ZBTB16: variants seen among roughly 807,000 people sequenced by gnomAD.
ZBTB16 encodes the protein zinc finger and BTB domain containing 16.
ZBTB16 carries 8 observed loss-of-function variants against 56.8 expected under a neutral mutation model. The ratio of observed to expected loss-of-function variants is 0.14; its 90% CI spans 0.08 to 0.25. The LOEUF (loss-of-function observed/expected upper bound fraction) is 0.25, where lower values mean the gene tolerates loss of function less well. ZBTB16 is among the 10% of genes least tolerant of loss of function. The pLI, the probability that ZBTB16 is intolerant of heterozygous loss-of-function variation, is 1.00. For synonymous variants in ZBTB16, 363 were observed against 368.5 expected (o/e 0.98, Z 0.17); for missense variants, 625 against 903.0 (o/e 0.69, Z 3.95).
At chr11:114,118,069 A>G (rs1048591821) in intron 2 of ZBTB16, among the ~76,000 whole-genome samples, 1 of 152,206 alleles carries the variant, frequency 6.6e-6, no homozygotes, top group African/African-American at 2.4e-5. Flanking sequence ...ACTTAATCAC[A>G]GGACCCCAGG....
intron 2 of ZBTB16, among the ~76,000 whole-genome samples, chr11:114,142,891 G>A (rs759448181): frequency 7.2e-5 from 11 of 152,200 alleles, no homozygotes; most frequent in Middle Eastern, 3.4e-3. Context: ...TTACAAAAAC[G>A]GGGAGGAAAA....
Position 114,242,221 on chromosome 11 carries a change from G to C in ZBTB16, c.1508G>C (p.Ser503Thr). 1 of 1,613,940 alleles carries C rather than the reference G, an allele frequency of 6.2e-7. No individual in the cohort carries two copies. Among genetic ancestry groups the C allele is most frequent in the Non-Finnish European group, 8.5e-7 (1 of 1,179,970 alleles). Residue 503 changes from serine to threonine, a missense_variant, in exon 5 of 7, where the codon AGC (serine) becomes ACC (threonine). Physicochemically the swap from Ser to Thr is moderately conservative, Grantham distance 58. This residue lies in a region of ZBTB16 where 140 missense variants were observed against 214.8 expected (regional missense o/e 0.65). Transcript: ENST00000335953. ...TGTGGGAAGCGCTTCCAGGCGCAGA[G>C]CGCACTGCAGCAGCACATGGAGGTC... ...LLCGKRFQAQ[S>T]ALQQHMEVHA...
chr11:114,241,047 A>G (rs1944691725), intron 4 of ZBTB16, among the ~76,000 whole-genome samples: 3 of 151,962 alleles, frequency 2.0e-5, no homozygotes, highest in Admixed American at 6.6e-5. Context: ...ACACTATTCC[A>G]TCTTCCGGAT....
At chr11:114,067,294 A>G (rs1196993049) in intron 2 of ZBTB16, among the ~76,000 whole-genome samples, 6 of 152,078 alleles carry the variant, frequency 3.9e-5, no homozygotes, top group Non-Finnish European at 8.8e-5. Flanking sequence ...GGTTGTGTTG[A>G]CTGTGAGGTG....
chr11:114,087,674 C>G (rs147364691), intron 2 of ZBTB16, among the ~76,000 whole-genome samples: 42 of 152,314 alleles, frequency 2.8e-4, no homozygotes, highest in African/African-American at 8.9e-4. Flanking sequence ...CAGAGTAGGG[C>G]TCTGATGGGG....
intron 1 of ZBTB16, among the ~76,000 whole-genome samples, chr11:114,061,001 G>C (rs981635163): frequency 1.3e-5 from 2 of 152,188 alleles, no homozygotes; most frequent in Non-Finnish European, 2.9e-5. Context: ...CAGCCCGCCC[G>C]GACTGTCGCC....
intron 6 of ZBTB16, among the ~76,000 whole-genome samples, chr11:114,248,945 G>C (rs1944865068): frequency 6.6e-6 from 1 of 152,156 alleles, no homozygotes; most frequent in Non-Finnish European, 1.5e-5. Flanking sequence ...GTGCGCGGGG[G>C]AGTATTGATA....
At chr11:114,148,424 C>CTGTCTGTCTGTCT (rs1565651805) in intron 2 of ZBTB16, among the ~76,000 whole-genome samples, 1 of 24,418 alleles carries the variant, frequency 4.1e-5, no homozygotes, top group Non-Finnish European at 8.6e-5. Flanking sequence ...TCCCTCCCTC[C>CTGTCTGTCTGTCT]CTCTCTCTCT....
At chr11:114,098,094 T>C (rs1940483128) in intron 2 of ZBTB16, among the ~76,000 whole-genome samples, 1 of 152,222 alleles carries the variant, frequency 6.6e-6, no homozygotes, top group South Asian at 2.1e-4. Context: ...CAACAGCATC[T>C]TTTTCCTGCT....
Position 114,183,639 on chromosome 11 carries a change from C to T in ZBTB16, c.1367-3313C>T, listed in dbSNP as rs184387142. 8.5e-5 allele frequency among the ~76,000 whole-genome samples: 13 copies of T among 152,296 alleles called. No individual in the cohort carries two copies. In the East Asian group the frequency reaches 2.3e-3, roughly 27 times the overall value. ...TTTCTCCTTTAGGGAGCTGTGAGAG[C>T]GGATAGAACCCAAGGAAGAAATACA... On this transcript the variant is annotated intron_variant, in intron 3 of 6. Transcript: ENST00000335953.
intron 2 of ZBTB16, among the ~76,000 whole-genome samples, chr11:114,130,116 C>G (rs1299656291): frequency 6.6e-6 from 1 of 152,118 alleles, no homozygotes. Context: ...AAAGTTTCTG[C>G]TTGTTAGCTT....
intron 2 of ZBTB16, among the ~76,000 whole-genome samples, chr11:114,095,080 C>T (rs1436145752): frequency 6.6e-6 from 1 of 152,164 alleles, no homozygotes; most frequent in Non-Finnish European, 1.5e-5. Context: ...GCATGACTGT[C>T]TCTTGTGACC....
chr11:114,181,865 C>T (rs1281820298), intron 3 of ZBTB16, among the ~76,000 whole-genome samples: 2 of 152,176 alleles, frequency 1.3e-5, no homozygotes, highest in Non-Finnish European at 1.5e-5. Context: ...CATCTCCCAC[C>T]TCCATGTCAC....
intron 2 of ZBTB16, among the ~76,000 whole-genome samples, chr11:114,081,289 G>A (rs1231475944): frequency 1.3e-5 from 2 of 152,192 alleles, no homozygotes; most frequent in East Asian, 3.8e-4. Flanking sequence ...GCAGACTAAT[G>A]TACATCAACT....
At chr11:114,158,538 G>A (rs1413216007) in intron 3 of ZBTB16, among the ~76,000 whole-genome samples, 2 of 152,146 alleles carry the variant, frequency 1.3e-5, no homozygotes, top group South Asian at 4.2e-4. Flanking sequence ...TTTATTTGAA[G>A]CTATCTTTGG....
intron 4 of ZBTB16, among the ~76,000 whole-genome samples, chr11:114,234,758 T>TTAA (rs1233331257): frequency 2.6e-5 from 4 of 152,218 alleles, no homozygotes; most frequent in Non-Finnish European, 5.9e-5. Flanking sequence ...TCCATCCTTT[T>TTAA]AAGATGCAGA....
intron 2 of ZBTB16, among the ~76,000 whole-genome samples, chr11:114,091,996 C>G (rs1940210031): frequency 6.6e-6 from 1 of 152,228 alleles, no homozygotes; most frequent in Non-Finnish European, 1.5e-5. Flanking sequence ...TGTCTTGCTG[C>G]CCCTCGGTGC....
intron 2 of ZBTB16, among the ~76,000 whole-genome samples, chr11:114,074,890 G>A (rs1939489483): frequency 6.6e-6 from 1 of 152,168 alleles, no homozygotes; most frequent in African/African-American, 2.4e-5. Context: ...ATGTAAAGAG[G>A]GAATCATTGT....
chr11:114,220,535 G>A (rs938923455), intron 4 of ZBTB16, among the ~76,000 whole-genome samples: 5 of 152,190 alleles, frequency 3.3e-5, no homozygotes, highest in Admixed American at 2.6e-4. Context: ...GAAAGCCGTG[G>A]AAGTACTGGA....
Sources: allele counts gnomAD v4.1 joint callset (sites outside exome capture counted in the v4.1 genomes callset), GRCh38; gene constraint gnomAD v4.1.1; regional missense constraint gnomAD v4.1.1; transcripts MANE v1.5; gene names NCBI Gene and HGNC (gene_info 2026-07-23, HGNC 2026-07-21).